The following RASEF variants were observed in gnomAD, a reference collection of about 807,000 sequenced individuals.
The protein encoded by RASEF is RAS and EF-hand domain containing, also known as ras and EF-hand domain-containing protein.
A neutral mutation model predicts 90.1 loss-of-function variants in RASEF; 68 were observed. The ratio of observed to expected loss-of-function variants is 0.75; its 90% CI spans 0.62 to 0.92. The LOEUF (loss-of-function observed/expected upper bound fraction) is 0.92. RASEF is among the 40% of genes least tolerant of loss of function. The pLI, the probability that RASEF is intolerant of heterozygous loss-of-function variation, is 0.00. For synonymous variants in RASEF, 331 were observed against 345.2 expected (o/e 0.96, Z 0.46); for missense variants, 949 against 937.2 (o/e 1.01, Z -0.16).
At chr9:82,990,273 T>G (rs544420912) in intron 16 of RASEF, 118 bp downstream of exon 16, 7 of 678,618 alleles carry the variant, frequency 1.0e-5, no homozygotes, top group Admixed American at 2.6e-5. Context: ...TCTCCCACCA[T>G]GACTGACAGA....
the RASEF span, among the ~76,000 whole-genome samples, chr9:83,134,693 C>G: frequency 6.6e-6 from 1 of 152,118 alleles, no homozygotes; most frequent in African/African-American, 2.4e-5. Flanking sequence ...AGAAAACAGT[C>G]TAGCAGTTCC....
the RASEF span, among the ~76,000 whole-genome samples, chr9:83,071,656 T>G: frequency 6.6e-6 from 1 of 152,206 alleles, no homozygotes; most frequent in South Asian, 2.1e-4. Context: ...TCTGCCCATC[T>G]TGGCCTCCTG....
At chr9:83,129,568 T>C in the RASEF span, among the ~76,000 whole-genome samples, 1 of 152,370 alleles carries the variant, frequency 6.6e-6, no homozygotes, top group Admixed American at 6.5e-5. Context: ...CAAAACTTTA[T>C]ACAGGAGTGT....
the RASEF span, among the ~76,000 whole-genome samples, chr9:83,097,095 G>A: frequency 1.8e-4 from 27 of 152,040 alleles, no homozygotes; most frequent in African/African-American, 4.6e-4. Flanking sequence ...ATAAACATAC[G>A]TGTGCATGTG....
At chr9:83,036,190 TCA>T (rs2118619190) in intron 1 of RASEF, among the ~76,000 whole-genome samples, 1 of 152,300 alleles carries the variant, frequency 6.6e-6, no homozygotes, top group South Asian at 2.1e-4. Context: ...AGCAGAACAC[TCA>T]CATTCACTGA....
rs748510002 is a variant in RASEF, at chr9:82,998,395, A to G, written c.1775T>C (p.Leu592Pro). The G allele has an allele frequency of 5.6e-6, 9 of 1,613,524 alleles. No homozygotes were observed. The highest frequency in any genetic ancestry group is 6.8e-6 in the Non-Finnish European group (8 of 1,179,406). ...CTGACCAGCTGTATCCCAGAGCTGC[A>G]GAACTGTTCGTTCTCCATCCACAAT... ...TLIVDGERTV[L>P]QLWDTAGQER... Residue 592 changes from leucine to proline, a missense_variant, in exon 13 of 17, where the codon CTG becomes CCG. Transcript: ENST00000376447.
chr9:83,095,189 T>C, the RASEF span, among the ~76,000 whole-genome samples: 1 of 152,086 alleles, frequency 6.6e-6, no homozygotes, highest in Non-Finnish European at 1.5e-5. Context: ...GGTAGCTGTA[T>C]AAGGGAATTA....
the RASEF span, among the ~76,000 whole-genome samples, chr9:83,158,690 A>ATGTATATATT: frequency 2.1e-4 from 7 of 33,708 alleles, no homozygotes; most frequent in African/African-American, 1.2e-3. Flanking sequence ...ACATATACAT[A>ATGTATATATT]TATGTATATA....
At chr9:83,030,085 G>C (rs1032758634) in intron 1 of RASEF, among the ~76,000 whole-genome samples, 2 of 152,192 alleles carry the variant, frequency 1.3e-5, no homozygotes, top group Non-Finnish European at 2.9e-5. Context: ...GTCACCGAGT[G>C]GGGGGATGTG....
At position 83,062,817 on chromosome 9, in the gene RASEF, G is replaced by C. The variant is rs554402618; in HGVS notation, c.51C>G (p.Phe17Leu). 1.1e-4 allele frequency: 178 copies of C among 1,555,084 alleles called. 1 individual carries two copies. The South Asian group carries it at 2.0e-3, about 18-fold the overall frequency. Residue 17 changes from phenylalanine (F) to leucine (L), a missense_variant, in exon 1 of 17, where the codon TTC (phenylalanine) becomes TTG (leucine). Transcript: ENST00000376447. ...GEELARLRSVFAACDANRSGR... is the reference protein window; with the variant it reads ...GEELARLRSVLAACDANRSGR... ...CCGAGCGGTTCGCGTCGCAGGCGGC[G>C]AAGACTGAGCGCAGCCGGGCCAGCT...
intron 3 of RASEF, among the ~76,000 whole-genome samples, chr9:83,019,271 T>TA (rs201952410): frequency 6.1e-4 from 93 of 151,892 alleles, no homozygotes; most frequent in Admixed American, 1.2e-3. Context: ...AGTAATTTTT[T>TA]AAAAAAAACT....
chr9:82,980,921 T>C lies in RASEF; in HGVS notation c.*1756A>G, dbSNP rs1279211083. ...CAGCAAAAATATCAGATGTCTTCAA[T>C]AGAGAGAAGGCATGTTTATAAAAGT... On this transcript the variant is annotated 3_prime_UTR_variant, in exon 17 of 17. Transcript: ENST00000376447. The C allele has an allele frequency of 2.0e-5, 3 of 152,340 alleles. No homozygotes were observed. The highest frequency in any genetic ancestry group is 2.9e-5 in the Non-Finnish European group (2 of 68,032). 9.4% of individuals were successfully genotyped at this position (152,340 alleles called of 1,614,324 possible). A position where few individuals can be genotyped will look rare whatever the true frequency, so the allele number is the denominator to read the frequency against.
the RASEF span, among the ~76,000 whole-genome samples, chr9:83,085,217 C>T: frequency 1.3e-5 from 2 of 152,152 alleles, no homozygotes; most frequent in Non-Finnish European, 2.9e-5. Flanking sequence ...AGCCAGGAGG[C>T]CATCAACTTC....
chr9:83,144,391 G>GAAAGAAAA, the RASEF span, among the ~76,000 whole-genome samples: 9 of 33,242 alleles, frequency 2.7e-4, no homozygotes, highest in African/African-American at 7.1e-4. Flanking sequence ...AAGAAAGAAA[G>GAAAGAAAA]GAAAGAAAGA....
chr9:83,062,456 C>T lies in RASEF; in HGVS notation c.412G>A (p.Glu138Lys), dbSNP rs1345958943. 2 of 1,612,870 alleles carry T rather than the reference C, an allele frequency of 1.2e-6. No individual in the cohort carries two copies. Among genetic ancestry groups the T allele is most frequent in the Admixed American group, 1.7e-5 (1 of 59,970 alleles). ...TCGCACCTGGGAATGAACTTGGCTT[C>T]GTCCCCAAGTCGCGCCTGGAAATCC... ...WQDFQARLGD[E>K]AKFIPREEQV... is the part of the protein sequence containing the mutation. Residue 138 changes from glutamate to lysine, a missense_variant, in exon 1 of 17, where the codon GAA becomes AAA. Around this residue, in one of 3 missense-constraint regions of RASEF, gnomAD observed 656 missense variants for 592.2 expected, o/e 1.11. Coordinates refer to ENST00000376447, the MANE Select transcript of RASEF (RefSeq NM_152573.4).
intron 15 of RASEF, among the ~76,000 whole-genome samples, chr9:82,992,580 C>T (rs1375691910): frequency 6.6e-6 from 1 of 152,158 alleles, no homozygotes; most frequent in African/African-American, 2.4e-5. Context: ...TCTTCCTTTA[C>T]TTGGATTCCA....
At chr9:83,021,512 A>G (rs1308852795) in intron 3 of RASEF, among the ~76,000 whole-genome samples, 1 of 152,242 alleles carries the variant, frequency 6.6e-6, no homozygotes, top group African/African-American at 2.4e-5. Context: ...ACTGAAGGTA[A>G]CATATCACTT....
the RASEF span, among the ~76,000 whole-genome samples, chr9:83,175,461 T>C: frequency 6.6e-6 from 1 of 152,206 alleles, no homozygotes; most frequent in African/African-American, 2.4e-5. Context: ...TAAACCCTAG[T>C]AGTAGTAGTG....
chr9:83,147,116 C>T, the RASEF span, among the ~76,000 whole-genome samples: 1 of 150,598 alleles, frequency 6.6e-6, no homozygotes, highest in Non-Finnish European at 1.5e-5. Context: ...CGGATTAGAA[C>T]ATTTTGCAAT....
Sources: allele counts gnomAD v4.1 joint callset (sites outside exome capture counted in the v4.1 genomes callset), GRCh38; gene constraint gnomAD v4.1.1; regional missense constraint gnomAD v4.1.1; transcripts MANE v1.5; gene names NCBI Gene and HGNC (gene_info 2026-07-23, HGNC 2026-07-21).